ABCC5: variants seen among roughly 807,000 people sequenced by gnomAD.
ABCC5 encodes the protein ATP-binding cassette sub-family C member 5.
A neutral mutation model predicts 160.9 loss-of-function variants in ABCC5; 61 were observed. That is an observed-to-expected ratio of 0.38 (90% CI 0.31 to 0.47). The LOEUF is 0.47. Among genes scored for constraint, ABCC5 ranks in the 20% least tolerant of loss-of-function variants. The probability of loss-of-function intolerance (pLI) is 0.99; values close to 1 mark genes in which losing one functional copy is unlikely to be tolerated. For synonymous variants in ABCC5, 666 were observed against 700.6 expected (o/e 0.95, Z 0.78); for missense variants, 1,308 against 1,813.3 (o/e 0.72, Z 5.06).
Position 183,945,945 on chromosome 3 carries a change from A to G in ABCC5, c.3415-6T>C. The G allele has an allele frequency of 6.2e-7, 1 of 1,612,892 alleles. No homozygotes were observed. Among genetic ancestry groups the G allele is most frequent in the Non-Finnish European group, 8.5e-7 (1 of 1,178,864 alleles). On this transcript the variant is annotated splice_region_variant and splice_polypyrimidine_tract_variant and intron_variant, in intron 23 of 29. Coordinates refer to ENST00000334444, the MANE Select transcript of ABCC5 (RefSeq NM_005688.4). ...AACTGGAACAGCCCCGTTAACTGAT[A>G]ATGGAAAACAACAATCAAAGAGATA...
intron 29 of ABCC5, among the ~76,000 whole-genome samples, chr3:183,925,341 A>C (rs965009149): frequency 1.3e-5 from 2 of 152,218 alleles, no homozygotes; most frequent in African/African-American, 4.8e-5. Flanking sequence ...CAACAAAAGG[A>C]CAAATTAGTA....
chr3:183,974,439 G>A (rs755117474), intron 10 of ABCC5, among the ~76,000 whole-genome samples: 8 of 152,228 alleles, frequency 5.3e-5, no homozygotes, highest in Non-Finnish European at 1.2e-4. Flanking sequence ...CTCCTGAGTA[G>A]CTGGGATTAC....
intron 12 of ABCC5, among the ~76,000 whole-genome samples, chr3:183,966,807 C>G (rs1717259030): frequency 1.3e-5 from 2 of 152,170 alleles, no homozygotes; most frequent in South Asian, 4.1e-4. Context: ...CACAACTCAC[C>G]AACTGTGACA....
At chr3:184,016,150 G>C (rs2108941489) in intron 1 of ABCC5, among the ~76,000 whole-genome samples, 1 of 152,314 alleles carries the variant, frequency 6.6e-6, no homozygotes. Context: ...CACAGGAGCA[G>C]AGAGAGGCAG....
Position 184,009,767 on chromosome 3 carries a change from CAGAA to C in ABCC5, c.129+4493_129+4496del, listed in dbSNP as rs535974263. On this transcript the variant is annotated intron_variant, in intron 2 of 29. Transcript: ENST00000334444. ...GTTTTGCTAGGTCTAGACTAAGTAACAGAAAGAGAGTAGAATAAAAGAAATCTTT... is the reference window on the plus strand; with the variant it reads ...GTTTTGCTAGGTCTAGACTAAGTAACAGAGAGTAGAATAAAAGAAATCTTT... 2.4e-5 allele frequency: 5 copies of C among 211,054 alleles called. No homozygotes were observed. The East Asian group carries it at 3.5e-4, about 15-fold the overall frequency. The allele number at this position is 211,054 out of a possible 1,614,324, so 13.1% of individuals were successfully genotyped here. A position where few individuals can be genotyped will look rare whatever the true frequency, so the allele number is the denominator to read the frequency against.
intron 17 of ABCC5, among the ~76,000 whole-genome samples, chr3:183,957,344 A>C (rs1374374718): frequency 8.1e-6 from 1 of 123,194 alleles, no homozygotes; most frequent in South Asian, 2.6e-4. Context: ...CCGTGTGTAC[A>C]TCACATCGGT....
intron 13 of ABCC5, 29 bp from the exon 14 acceptor site, chr3:183,965,286 G>C: frequency 6.2e-7 from 1 of 1,614,164 alleles, no homozygotes; most frequent in Non-Finnish European, 8.5e-7. Flanking sequence ...CAGCGTCAGG[G>C]ACACGGCGGG....
At chr3:183,927,815 C>T (rs533735103) in intron 27 of ABCC5, 4 of 985,392 alleles carry the variant, frequency 4.1e-6, no homozygotes, top group South Asian at 4.7e-5. Context: ...GCCGTAGGCC[C>T]GTGCCTGTGA....
In ABCC5 at chr3:183,989,338, G is replaced by A; in HGVS notation, c.175C>T (p.Leu59Phe). The change falls in exon 3 of 30, where the codon CTC becomes TTC. Residue 59 changes from leucine to phenylalanine, a missense_variant. Leu to Phe is a conservative substitution (Grantham distance 22, BLOSUM62 0). Coordinates refer to ENST00000334444, the MANE Select transcript of ABCC5 (RefSeq NM_005688.4). Reference protein sequence around the residue: ...ALETAARAEGLSLDASMHSQL... With the variant: ...ALETAARAEGFSLDASMHSQL... The stretch of plus-strand genomic sequence containing the variant: ...GAATGCATGGAGGCATCAAGAGAGA[G>A]GCCCTCGGCTCGGGCTGCTGTTTCC... 1 of 1,614,022 alleles carries A rather than the reference G, an allele frequency of 6.2e-7. No homozygotes were observed. Among genetic ancestry groups the A allele is most frequent in the Non-Finnish European group, 8.5e-7 (1 of 1,179,982 alleles).
chr3:183,923,944 G>A (rs1712255633), intron 29 of ABCC5, among the ~76,000 whole-genome samples: 1 of 151,278 alleles, frequency 6.6e-6, no homozygotes. Flanking sequence ...TGCGGTTGCT[G>A]GCCTGAGTCC....
At position 183,992,493 on chromosome 3, in the gene ABCC5, G is replaced by A. The variant is rs149996175; in HGVS notation, c.130-3110C>T. 2.5e-3 allele frequency among the ~76,000 whole-genome samples: 379 copies of A among 152,292 alleles called. 4 individuals are homozygous for A. Among genetic ancestry groups the A allele is most frequent in the African/African-American group, 8.3e-3 (347 of 41,558 alleles). ...GGATGCAGCTAAAACAGAGAATAAG[G>A]TGAGATTTTCATCGCTTTCAAAGCA... On this transcript the variant is annotated intron_variant, in intron 2 of 29. Coordinates refer to ENST00000334444, the MANE Select transcript of ABCC5 (RefSeq NM_005688.4).
intron 2 of ABCC5, among the ~76,000 whole-genome samples, chr3:183,991,678 A>G (rs1360593919): frequency 4.6e-5 from 7 of 152,246 alleles, no homozygotes; most frequent in African/African-American, 1.7e-4. Flanking sequence ...ATGGTACAAC[A>G]TGACAGGAGT....
chr3:183,924,788 G>A, intron 29 of ABCC5, among the ~76,000 whole-genome samples: 2 of 152,324 alleles, frequency 1.3e-5, no homozygotes, highest in South Asian at 4.1e-4. Context: ...AGCTACAAGA[G>A]AGGTACAGAT....
intron 15 of ABCC5, 88 bp from the exon 16 acceptor site, chr3:183,961,742 A>T: frequency 6.7e-7 from 1 of 1,499,114 alleles, no homozygotes; most frequent in Non-Finnish European, 9.0e-7. Flanking sequence ...TCTCTACAGG[A>T]GACGAGTTAA....
rs2108856054 is a variant in ABCC5, at chr3:183,983,342, C to T, written c.592-335G>A. The T allele has an allele frequency of 9.1e-6, 3 of 327,994 alleles. No individual in the cohort carries two copies. The East Asian group carries it at 1.8e-4, about 20-fold the overall frequency. The allele number at this position is 327,994 out of a possible 1,614,324, so 20.3% of individuals were successfully genotyped here. ...AGCTTTGACCTTATTCCAGTATCTCCACACATGGATACATTTGTTTACATG... is the reference window on the plus strand; with the variant it reads ...AGCTTTGACCTTATTCCAGTATCTCTACACATGGATACATTTGTTTACATG... On this transcript the variant is annotated intron_variant, in intron 5 of 29. Coordinates refer to ENST00000334444, the MANE Select transcript of ABCC5 (RefSeq NM_005688.4).
intron 2 of ABCC5, chr3:184,001,197 G>T: frequency 2.0e-6 from 1 of 512,694 alleles, no homozygotes; most frequent in South Asian, 3.2e-5. Flanking sequence ...ACGCTGCAGT[G>T]AGCCATGGTC....
chr3:183,996,495 C>T (rs1720297441), intron 2 of ABCC5, among the ~76,000 whole-genome samples: 1 of 152,090 alleles, frequency 6.6e-6, no homozygotes, highest in Non-Finnish European at 1.5e-5. Flanking sequence ...TCACCACCTC[C>T]TAGGTAGTAA....
At chr3:183,968,136 A>G (rs535952699) in intron 11 of ABCC5, among the ~76,000 whole-genome samples, 137 of 151,940 alleles carry the variant, frequency 9.0e-4, no homozygotes, top group African/African-American at 3.0e-3. Context: ...TATTATTATT[A>G]TTATTATTTT....
At chr3:183,952,130 G>A in intron 18 of ABCC5, 127 bp from the exon 19 acceptor site, 1 of 809,184 alleles carries the variant, frequency 1.2e-6, no homozygotes, top group Non-Finnish European at 1.8e-6. Context: ...ACCTGGTCAT[G>A]GCTTTGTCCA....
Sources: allele counts gnomAD v4.1 joint callset (sites outside exome capture counted in the v4.1 genomes callset), GRCh38; gene constraint gnomAD v4.1.1; transcripts MANE v1.5; gene names NCBI Gene and HGNC (gene_info 2026-07-23, HGNC 2026-07-21).